The following C10orf53 variants were observed in gnomAD, a reference collection of about 807,000 sequenced individuals.
C10orf53 encodes chromosome 10 open reading frame 53, also known as UPF0728 protein C10orf53.
A neutral mutation model predicts 9.4 loss-of-function variants in C10orf53; 8 were observed. That is an observed-to-expected ratio of 0.85 (90% CI 0.50 to 1.53). The LOEUF (loss-of-function observed/expected upper bound fraction) is 1.53, where lower values mean the gene tolerates loss of function less well. Ranked by LOEUF, C10orf53 falls within the 40% of genes most tolerant of loss-of-function variation. The pLI is 0.00. For synonymous variants in C10orf53, 48 were observed against 46.0 expected (o/e 1.04, Z -0.18); for missense variants, 117 against 117.8 (o/e 0.99, Z 0.03).
chr10:49,694,666 CA>C lies in C10orf53; in HGVS notation c.*65del, dbSNP rs1590644710. ...CAGCTGCCCCAGCCATTCTATGATGCAGGCAGAAGTGGCTGTGCCACGGTGT... is the reference window on the plus strand; with the variant it reads ...CAGCTGCCCCAGCCATTCTATGATGCGGCAGAAGTGGCTGTGCCACGGTGT... On this transcript the variant is annotated 3_prime_UTR_variant, in exon 3 of 3. Transcript: ENST00000374111. 1 of 1,611,908 alleles carries C rather than the reference CA, an allele frequency of 6.2e-7. No homozygotes were observed. The highest frequency in any genetic ancestry group is 2.2e-5 in the East Asian group (1 of 44,844).
chr10:49,692,019 G>C (rs936256345), intron 1 of C10orf53, among the ~76,000 whole-genome samples: 2 of 152,194 alleles, frequency 1.3e-5, no homozygotes, highest in African/African-American at 4.8e-5. Flanking sequence ...GACAAATGCA[G>C]CTCCGCCGTC....
intron 1 of C10orf53, among the ~76,000 whole-genome samples, chr10:49,684,927 C>G (rs1002746184): frequency 6.6e-6 from 1 of 152,118 alleles, no homozygotes; most frequent in African/African-American, 2.4e-5. Context: ...TTGCCTTGTT[C>G]TTGATCTTAA....
At chr10:49,703,315 G>A (rs556609480) in intron 2 of C10orf53, among the ~76,000 whole-genome samples, 27 of 152,064 alleles carry the variant, frequency 1.8e-4, no homozygotes, top group Non-Finnish European at 2.9e-4. Flanking sequence ...CTTCACTTTG[G>A]CATTCAGAGC....
At chr10:49,691,363 G>T (rs1256513859) in intron 1 of C10orf53, among the ~76,000 whole-genome samples, 1 of 152,226 alleles carries the variant, frequency 6.6e-6, no homozygotes, top group East Asian at 1.9e-4. Flanking sequence ...ATCAGACTTA[G>T]GTCACTCTGT....
intron 1 of C10orf53, 69 bp from the exon 2 acceptor site, chr10:49,693,705 G>A: frequency 6.6e-7 from 1 of 1,522,294 alleles, no homozygotes; most frequent in Non-Finnish European, 9.0e-7. Flanking sequence ...TCATCATGAG[G>A]ACTGCTACCA....
chr10:49,703,553 A>G (rs1840700559), intron 2 of C10orf53, among the ~76,000 whole-genome samples: 1 of 152,244 alleles, frequency 6.6e-6, no homozygotes, highest in Non-Finnish European at 1.5e-5. Flanking sequence ...CAGCAGCCCC[A>G]GCCACATACT....
At chr10:49,702,987 CTT>C (rs897876751) in intron 2 of C10orf53, among the ~76,000 whole-genome samples, 3 of 152,040 alleles carry the variant, frequency 2.0e-5, no homozygotes, top group African/African-American at 4.8e-5. Context: ...CCTTCTTTTT[CTT>C]TTTTCATCAG....
At chr10:49,688,334 T>TA (rs1303985425) in intron 1 of C10orf53, among the ~76,000 whole-genome samples, 1 of 152,108 alleles carries the variant, frequency 6.6e-6, no homozygotes, top group African/African-American at 2.4e-5. Context: ...GCCCTCAAAG[T>TA]ACGCCCAGAA....
Position 49,696,390 on chromosome 10 carries a change from T to C in C10orf53, c.*1788T>C, listed in dbSNP as rs1195637141. On this transcript the variant is annotated 3_prime_UTR_variant, in exon 3 of 3. Transcript: ENST00000374111. Reference sequence around the variant, plus strand: ...TAGCTTCCCCTGTCTGCATTTGGAGTGGGAACTTCATCTCCAAACACAGTG... The same window carrying C: ...TAGCTTCCCCTGTCTGCATTTGGAGCGGGAACTTCATCTCCAAACACAGTG... 6.6e-6 allele frequency among the ~76,000 whole-genome samples: 1 copy of C among 152,098 alleles called. No individual in the cohort carries two copies. The highest frequency in any genetic ancestry group is 2.4e-5 in the African/African-American group (1 of 41,390).
exon 3 of C10orf53, chr10:49,709,276 T>A (rs188483716): frequency 1.3e-5 from 2 of 152,468 alleles, no homozygotes; most frequent in Admixed American, 6.5e-5. Context: ...GAATGATGTG[T>A]TCTGTGGCTC....
downstream of C10orf53, among the ~76,000 whole-genome samples, chr10:49,701,396 CG>C (rs761431739): frequency 1.8e-3 from 273 of 151,898 alleles, no homozygotes; most frequent in South Asian, 0.011. Flanking sequence ...CAAATTGCTG[CG>C]TTTTTTTTTA....
downstream of C10orf53, among the ~76,000 whole-genome samples, chr10:49,697,825 C>T (rs1218988236): frequency 6.6e-6 from 1 of 152,214 alleles, no homozygotes; most frequent in Non-Finnish European, 1.5e-5. Flanking sequence ...GGATTACAGG[C>T]ATGAGCCACA....
chr10:49,684,166 C>G (rs1461840939), intron 1 of C10orf53, among the ~76,000 whole-genome samples: 3 of 152,240 alleles, frequency 2.0e-5, no homozygotes, highest in Non-Finnish European at 4.4e-5. Flanking sequence ...TCATTCACAT[C>G]AGTCACTGTG....
At chr10:49,706,456 T>C (rs1840723053) in intron 2 of C10orf53, among the ~76,000 whole-genome samples, 2 of 152,276 alleles carry the variant, frequency 1.3e-5, no homozygotes, top group East Asian at 3.9e-4. Flanking sequence ...CTTGAAAACG[T>C]CATGCTAAGT....
chr10:49,690,056 G>T (rs986180694), intron 1 of C10orf53, among the ~76,000 whole-genome samples: 1 of 152,140 alleles, frequency 6.6e-6, no homozygotes, highest in African/African-American at 2.4e-5. Flanking sequence ...TGGACTTGGT[G>T]AGCTGAAGGC....
intron 1 of C10orf53, among the ~76,000 whole-genome samples, chr10:49,689,724 G>A (rs757095053): frequency 5.3e-5 from 8 of 152,122 alleles, no homozygotes; most frequent in Non-Finnish European, 7.4e-5. Flanking sequence ...TGGGGCACAT[G>A]ATGCACTGCG....
chr10:49,697,950 TG>T (rs1840650167), downstream of C10orf53, among the ~76,000 whole-genome samples: 2 of 152,186 alleles, frequency 1.3e-5, no homozygotes, highest in Non-Finnish European at 2.9e-5. Context: ...GGCTCCTCCC[TG>T]GGGCCTTATT....
At chr10:49,706,454 C>T (rs920981499) in intron 2 of C10orf53, among the ~76,000 whole-genome samples, 28 of 152,154 alleles carry the variant, frequency 1.8e-4, no homozygotes, top group African/African-American at 6.5e-4. Flanking sequence ...ACCTTGAAAA[C>T]GTCATGCTAA....
chr10:49,706,095 A>G (rs1184573273), intron 2 of C10orf53, among the ~76,000 whole-genome samples: 1 of 131,432 alleles, frequency 7.6e-6, no homozygotes, highest in Non-Finnish European at 1.7e-5. Flanking sequence ...GCAAATAGTC[A>G]ACAGGTGTTG....
Sources: gnomAD v4.1 joint callset for allele counts (sites outside exome capture counted in the v4.1 genomes callset) on GRCh38, gnomAD v4.1.1 for gene constraint, MANE v1.5 for transcripts, NCBI Gene and HGNC (gene_info 2026-07-23, HGNC 2026-07-21) for gene names.